Variants in ARHGEF26 observed in about 807,000 individuals in gnomAD.
ARHGEF26 encodes the protein Rho guanine nucleotide exchange factor 26, also known as Rho guanine nucleotide exchange factor (GEF) 26.
In ARHGEF26, 59 loss-of-function variants were observed where a neutral mutation model predicts 89.4. That is an observed-to-expected ratio of 0.66 (90% CI 0.54 to 0.82). The LOEUF (loss-of-function observed/expected upper bound fraction) is 0.82. Among genes scored for constraint, ARHGEF26 ranks in the 40% least tolerant of loss-of-function variants. ARHGEF26 has a pLI of 0.00. For missense variants in ARHGEF26, 1,234 were observed against 1,085.6 expected, an observed-to-expected ratio of 1.14 and a Z score of -1.92; for synonymous variants, 500 against 428.4, an observed-to-expected ratio of 1.17 and a Z score of -2.06.
intron 6 of ARHGEF26, among the ~76,000 whole-genome samples, chr3:154,161,100 T>TTG (rs761296397): frequency 0.067 from 1,184 of 17,546 alleles, 13 homozygotes; most frequent in Middle Eastern, 0.17. Context: ...GTAGCCAGGT[T>TTG]TGTGTGTGTG....
intron 11 of ARHGEF26, among the ~76,000 whole-genome samples, chr3:154,239,221 G>A (rs570277542): frequency 1.4e-5 from 2 of 142,530 alleles, no homozygotes; most frequent in African/African-American, 5.2e-5. Context: ...CAAGAAAGAA[G>A]TAGTGTTGGG....
chr3:154,204,578 C>T (rs1439890745), intron 9 of ARHGEF26, among the ~76,000 whole-genome samples: 1 of 151,982 alleles, frequency 6.6e-6, no homozygotes, highest in African/African-American at 2.4e-5. Context: ...GATCCCCCCG[C>T]CTCGGCCTAC....
intron 12 of ARHGEF26, among the ~76,000 whole-genome samples, chr3:154,243,317 T>G (rs750223078): frequency 4.6e-5 from 7 of 152,228 alleles, no homozygotes; most frequent in Non-Finnish European, 8.8e-5. Context: ...GTGTTTTCCT[T>G]TTCTTTGGTT....
rs1414587056 is a variant in ARHGEF26 at position 154,122,908 on chromosome 3, G to C, written c.916G>C (p.Gly306Arg). Residue 306 changes from glycine to arginine, a missense_variant, in exon 2 of 15, where the codon GGG (glycine) becomes CGG (arginine). Coordinates refer to ENST00000465093, the MANE Select transcript of ARHGEF26 (RefSeq NM_015595.4). Reference sequence around the variant, plus strand: ...GGTCGATAACGACGTGGATAGCCCAGGGTCTCTGCGGAGAGGCTTGCGGTC... The same window carrying C: ...GGTCGATAACGACGTGGATAGCCCACGGTCTCTGCGGAGAGGCTTGCGGTC... The part of the protein sequence containing the change: ...SEVDNDVDSP[G>R]SLRRGLRSTS... The C allele has an allele frequency of 1.2e-6, 2 of 1,613,392 alleles. No homozygotes were observed. The highest frequency in any genetic ancestry group is 1.7e-6 in the Non-Finnish European group (2 of 1,179,646).
chr3:154,232,655 T>G (rs1026435398), intron 11 of ARHGEF26, among the ~76,000 whole-genome samples: 1 of 152,182 alleles, frequency 6.6e-6, no homozygotes, highest in Non-Finnish European at 1.5e-5. Context: ...TTACTGTAAG[T>G]CAGGCATGAT....
At chr3:154,171,964 G>T (rs140396705) in intron 6 of ARHGEF26, among the ~76,000 whole-genome samples, 1 of 152,248 alleles carries the variant, frequency 6.6e-6, no homozygotes, top group Non-Finnish European at 1.5e-5. Flanking sequence ...CAAGCAGGAT[G>T]TAATTTTTTT....
At chr3:154,208,035 C>T (rs1236992408) in intron 9 of ARHGEF26, among the ~76,000 whole-genome samples, 2 of 152,046 alleles carry the variant, frequency 1.3e-5, no homozygotes, top group Admixed American at 6.6e-5. Flanking sequence ...TAAGTGAGAG[C>T]TAAATGATAA....
At chr3:154,226,240 T>C (rs1221000177) in intron 11 of ARHGEF26, among the ~76,000 whole-genome samples, 2 of 152,242 alleles carry the variant, frequency 1.3e-5, no homozygotes, top group African/African-American at 2.4e-5. Flanking sequence ...GCCACTGTTC[T>C]AAGCATTTTA....
intron 12 of ARHGEF26, among the ~76,000 whole-genome samples, chr3:154,251,730 T>C (rs1718162920): frequency 6.6e-6 from 1 of 152,098 alleles, no homozygotes; most frequent in Non-Finnish European, 1.5e-5. Context: ...AGAAGCCAAA[T>C]ACAAAAGCAT....
In ARHGEF26 at chr3:154,122,325, C is replaced by G. The variant is rs774425770; in HGVS notation, c.333C>G (p.Pro111=). 8.1e-6 allele frequency: 13 copies of G among 1,612,812 alleles called. No individual in the cohort carries two copies. Among genetic ancestry groups the G allele is most frequent in the Admixed American group, 5.0e-5 (3 of 60,022 alleles). The change falls in exon 2 of 15, where the codon CCC becomes CCG. Residue 111 remains proline, a synonymous_variant. Transcript: ENST00000465093. The part of the protein sequence containing the change: ...YRAASPRLRR[P]KSPKLPKAVP... ...CTGCCTCTCCTCGACTTCGACGGCC[C>G]AAGTCACCCAAGCTCCCCAAAGCGG...
chr3:154,218,381 C>A (rs557693690), intron 10 of ARHGEF26, among the ~76,000 whole-genome samples: 3 of 152,034 alleles, frequency 2.0e-5, no homozygotes, highest in Admixed American at 2.0e-4. Context: ...CAAAACAGAT[C>A]GTTAATGGAT....
chr3:154,248,399 T>C (rs1717923985), intron 12 of ARHGEF26, among the ~76,000 whole-genome samples: 1 of 152,190 alleles, frequency 6.6e-6, no homozygotes, highest in Non-Finnish European at 1.5e-5. Flanking sequence ...TGGAATAAAA[T>C]TGTAAATAGT....
chr3:154,256,884 G>A lies in ARHGEF26; in HGVS notation c.*1411G>A. On this transcript the variant is annotated 3_prime_UTR_variant, in exon 15 of 15. Coordinates refer to ENST00000465093, the MANE Select transcript of ARHGEF26 (RefSeq NM_015595.4). ...TTCCACTAGTGCACAGAGAGAGAAA[G>A]GTTATCTTAATAGTCGGTTTCATGG... 1 of 1,535,014 alleles carries A rather than the reference G, an allele frequency of 6.5e-7. No homozygotes were observed.
intron 9 of ARHGEF26, among the ~76,000 whole-genome samples, chr3:154,195,347 G>A (rs1005035401): frequency 1.3e-5 from 2 of 152,196 alleles, no homozygotes; most frequent in Non-Finnish European, 2.9e-5. Context: ...GCTGTGTGGG[G>A]CCTTGTTATA....
At chr3:154,141,804 T>C (rs144544573) in intron 4 of ARHGEF26, among the ~76,000 whole-genome samples, 53 of 152,348 alleles carry the variant, frequency 3.5e-4, no homozygotes, top group African/African-American at 1.2e-3. Context: ...AATTTTTTTC[T>C]GTTCTGTTAC....
intron 6 of ARHGEF26, among the ~76,000 whole-genome samples, chr3:154,180,133 T>C (rs1455290137): frequency 6.6e-6 from 1 of 152,172 alleles, no homozygotes; most frequent in Non-Finnish European, 1.5e-5. Context: ...TGCCTCCCTC[T>C]CTTATAAGGA....
intron 4 of ARHGEF26, among the ~76,000 whole-genome samples, chr3:154,139,847 ATATTTC>A (rs1330923284): frequency 1.3e-5 from 2 of 152,236 alleles, no homozygotes; most frequent in African/African-American, 2.4e-5. Context: ...TTTATTATCT[ATATTTC>A]TATTATTTTG....
chr3:154,253,289 T>A, intron 13 of ARHGEF26, 106 bp downstream of exon 13: 1 of 1,301,468 alleles, frequency 7.7e-7, no homozygotes, highest in Non-Finnish European at 1.1e-6. Context: ...TTGCCTAAGT[T>A]TCCTCCAGGG....
At chr3:154,182,542 C>T (rs751776660) in intron 6 of ARHGEF26, among the ~76,000 whole-genome samples, 6 of 152,160 alleles carry the variant, frequency 3.9e-5, no homozygotes, top group African/African-American at 1.2e-4. Context: ...TTTGTCATGG[C>T]GTGGATCTTA....
Sources: allele counts gnomAD v4.1 joint callset (sites outside exome capture counted in the v4.1 genomes callset), GRCh38; gene constraint gnomAD v4.1.1; transcripts MANE v1.5; gene names NCBI Gene and HGNC (gene_info 2026-07-23, HGNC 2026-07-21).